Variants in ST7 observed in about 807,000 individuals in gnomAD.
ST7 encodes the protein suppression of tumorigenicity 7.
In ST7, 28 loss-of-function variants were observed where a neutral mutation model predicts 78.7. The observed-to-expected ratio is 0.36, with a 90% CI of 0.26 to 0.49. ST7 has a LOEUF of 0.49. Ranked by LOEUF, ST7 falls within the 20% of genes least tolerant of loss-of-function variation. The pLI is 0.99. For missense variants in ST7, 418 were observed against 696.0 expected (o/e 0.60, Z 4.49); for synonymous variants, 247 against 249.6 (o/e 0.99, Z 0.10).
chr7:117,128,019 C>T (rs768645801), intron 3 of ST7, among the ~76,000 whole-genome samples: 20 of 151,794 alleles, frequency 1.3e-4, no homozygotes, highest in East Asian at 5.8e-4. Flanking sequence ...AAATATTTGC[C>T]CTAGCCTTTT....
chr7:117,077,694 G>GTAGTAATAATAGT (rs1799450235), intron 1 of ST7, among the ~76,000 whole-genome samples: 1 of 152,250 alleles, frequency 6.6e-6, no homozygotes, highest in South Asian at 2.1e-4. Flanking sequence ...ATATGTTGTA[G>GTAGTAATAATAGT]TAGTAATAAT....
intron 8 of ST7, 46 bp from the exon 9 acceptor site, chr7:117,138,389 A>ATT (rs753380207): frequency 1.4e-4 from 153 of 1,115,420 alleles, no homozygotes; most frequent in South Asian, 2.1e-4. Flanking sequence ...GGGCCTCTGT[A>ATT]TTTTTTTTTT....
chr7:117,099,272 C>T (rs989887398), intron 1 of ST7, among the ~76,000 whole-genome samples: 1 of 151,962 alleles, frequency 6.6e-6, no homozygotes, highest in African/African-American at 2.4e-5. Flanking sequence ...ATTTGTCCTT[C>T]CTTCTTAGGG....
intron 1 of ST7, chr7:116,968,598 C>T (rs1191690322): frequency 1.4e-5 from 4 of 279,854 alleles, no homozygotes; most frequent in South Asian, 7.0e-5. Context: ...GTGCTTGGTG[C>T]GGGTGTAGAG....
intron 1 of ST7, among the ~76,000 whole-genome samples, chr7:117,058,235 A>C (rs1003975481): frequency 1.3e-5 from 2 of 152,190 alleles, no homozygotes; most frequent in African/African-American, 2.4e-5. Flanking sequence ...ATTCAGTAAC[A>C]CATTTGCTTT....
intron 1 of ST7, chr7:116,966,247 C>CTTTTTTTTTTTTTTTTTT (rs374887005): frequency 1.1e-4 from 19 of 178,498 alleles, no homozygotes; most frequent in Non-Finnish European, 1.9e-4. Flanking sequence ...TTTTTTCTTT[C>CTTTTTTTTTTTTTTTTTT]TTTTTTTTTT....
intron 11 of ST7, among the ~76,000 whole-genome samples, chr7:117,189,779 C>A (rs1809607316): frequency 1.3e-5 from 2 of 152,170 alleles, no homozygotes; most frequent in Non-Finnish European, 2.9e-5. Context: ...TGGAATGTGG[C>A]AGACAGGATG....
At position 116,953,615 on chromosome 7, in the gene ST7, C is replaced by A; in HGVS notation, c.75C>A (p.Thr25=). The A allele has an allele frequency of 6.6e-7, 1 of 1,512,364 alleles. No individual in the cohort carries two copies. Among genetic ancestry groups the A allele is most frequent in the Non-Finnish European group, 8.9e-7 (1 of 1,118,684 alleles). 93.7% of individuals were successfully genotyped at this position (1,512,364 alleles called of 1,614,324 possible). A position where few individuals can be genotyped will look rare whatever the true frequency, so the allele number is the denominator to read the frequency against. The part of the protein sequence containing the change: ...CIVWSWTYLW[T]VWFFIVLFLV... The stretch of plus-strand genomic sequence containing the variant: ...TTTGGTCTTGGACGTATCTGTGGAC[C>A]GTGTGGTTCTTCATCGTGCTATTCC... The change falls in exon 1 of 16, where the codon ACC becomes ACA. Residue 25 remains threonine, a synonymous_variant. Transcript: ENST00000323984.
At chr7:117,215,022 G>C (rs955733661) in intron 13 of ST7, among the ~76,000 whole-genome samples, 1 of 151,570 alleles carries the variant, frequency 6.6e-6, no homozygotes, top group Non-Finnish European at 1.5e-5. Flanking sequence ...AGTAATGCTT[G>C]TATCCACACT....
chr7:117,170,674 C>G (rs1055365615), intron 9 of ST7, among the ~76,000 whole-genome samples, 188 bp from the exon 10 acceptor site: 2 of 151,844 alleles, frequency 1.3e-5, no homozygotes, highest in Admixed American at 1.3e-4. Flanking sequence ...GAGCAAGACT[C>G]CATCTCAAAT....
intron 1 of ST7, chr7:116,959,808 G>A (rs1478136420): frequency 3.3e-5 from 5 of 152,128 alleles, no homozygotes; most frequent in Admixed American, 1.3e-4. Flanking sequence ...AAAGCAATCC[G>A]AATGATGCAT....
At chr7:117,027,633 A>G (rs1239223937) in intron 1 of ST7, among the ~76,000 whole-genome samples, 2 of 152,312 alleles carry the variant, frequency 1.3e-5, no homozygotes, top group African/African-American at 4.8e-5. Context: ...CTGTAATCTC[A>G]GCACTTTGGG....
intron 2 of ST7, among the ~76,000 whole-genome samples, chr7:117,108,991 G>C (rs1802200681): frequency 6.6e-6 from 1 of 152,152 alleles, no homozygotes; most frequent in South Asian, 2.1e-4. Context: ...ACTCCTGGGA[G>C]CTTTTTGGAT....
intron 9 of ST7, among the ~76,000 whole-genome samples, chr7:117,164,914 G>A (rs1807426069): frequency 6.6e-6 from 1 of 152,120 alleles, no homozygotes. Context: ...GATCTCCACG[G>A]ACTCTTCTGG....
At chr7:117,057,594 A>T (rs1798127582) in intron 1 of ST7, among the ~76,000 whole-genome samples, 1 of 152,190 alleles carries the variant, frequency 6.6e-6, no homozygotes, top group South Asian at 2.1e-4. Flanking sequence ...GTGCTCAAAC[A>T]CAGCAAATAA....
chr7:117,096,615 C>T (rs747161219), intron 1 of ST7, among the ~76,000 whole-genome samples: 9 of 152,156 alleles, frequency 5.9e-5, no homozygotes, highest in Admixed American at 2.6e-4. Context: ...AGCCTCCAGC[C>T]GCAAGACAAG....
At chr7:117,042,100 C>T (rs1797261521) in intron 1 of ST7, among the ~76,000 whole-genome samples, 1 of 152,148 alleles carries the variant, frequency 6.6e-6, no homozygotes, top group Admixed American at 6.5e-5. Flanking sequence ...CGTATTTTCT[C>T]CTCTTTATTT....
chr7:117,166,794 C>A (rs1476547717), intron 9 of ST7, among the ~76,000 whole-genome samples: 1 of 151,620 alleles, frequency 6.6e-6, no homozygotes, highest in Non-Finnish European at 1.5e-5. Context: ...GAGGCTGAGG[C>A]AGGAGAATGG....
intron 10 of ST7, 47 bp downstream of exon 10, chr7:117,171,023 G>A (rs374134623): frequency 9.2e-6 from 12 of 1,302,808 alleles, no homozygotes; most frequent in East Asian, 4.9e-5. Context: ...CTCTTTTGAT[G>A]TATTTTCCCT....
Sources: allele counts gnomAD v4.1 joint callset (sites outside exome capture counted in the v4.1 genomes callset), GRCh38; gene constraint gnomAD v4.1.1; transcripts MANE v1.5; gene names NCBI Gene and HGNC (gene_info 2026-07-23, HGNC 2026-07-21).